The following CDH20 variants were observed in gnomAD, a reference collection of about 807,000 sequenced individuals.
The protein encoded by CDH20 is cadherin 20.
CDH20 carries 29 observed loss-of-function variants against 74.2 expected under a neutral mutation model. The ratio of observed to expected loss-of-function variants is 0.39; its 90% confidence interval spans 0.29 to 0.53. CDH20 has a LOEUF of 0.53. CDH20 is among the 20% of genes least tolerant of loss of function. The pLI is 0.69. For missense variants in CDH20, 988 were observed against 1,048.3 expected, an observed-to-expected ratio of 0.94 and a Z score of 0.79; for synonymous variants, 469 against 405.4, an observed-to-expected ratio of 1.16 and a Z score of -1.88.
rs948051528 is a variant in CDH20 at position 61,377,457 on chromosome 18, G to A, written c.-153+43630G>A. ...ATCTTGTTCAGGTTTCATCAGACAC[G>A]CGAAGCCTCATAAGTGGCCAGCCTC... On this transcript the variant is annotated intron_variant, in intron 1 of 11. Coordinates refer to ENST00000262717, the MANE Select transcript of CDH20 (RefSeq NM_031891.4). 5.3e-5 allele frequency among the ~76,000 whole-genome samples: 8 copies of A among 151,180 alleles called. No individual in the cohort carries two copies. In the South Asian group the frequency reaches 1.5e-3, roughly 28 times the overall value.
At chr18:61,515,606 A>T (rs546825449) in intron 6 of CDH20, among the ~76,000 whole-genome samples, 1 of 151,720 alleles carries the variant, frequency 6.6e-6, no homozygotes, top group Non-Finnish European at 1.5e-5. Context: ...GCCATAAAAA[A>T]TGATGAGTTC....
At chr18:61,418,478 C>T (rs866439065) in intron 1 of CDH20, among the ~76,000 whole-genome samples, 3 of 143,886 alleles carry the variant, frequency 2.1e-5, no homozygotes, top group Non-Finnish European at 4.5e-5. Context: ...GGCATGAACC[C>T]GGGAGGCGGA....
At chr18:61,515,753 G>A (rs1451429035) in intron 6 of CDH20, among the ~76,000 whole-genome samples, 2 of 135,526 alleles carry the variant, frequency 1.5e-5, no homozygotes, top group African/African-American at 5.6e-5. Context: ...ACAGGAAGGG[G>A]AATATCACAC....
intron 1 of CDH20, among the ~76,000 whole-genome samples, chr18:61,449,928 T>G (rs1311656239): frequency 2.0e-5 from 3 of 152,020 alleles, no homozygotes; most frequent in Non-Finnish European, 2.9e-5. Flanking sequence ...TCTCTAGAAA[T>G]AAAGAAAACT....
In CDH20 at chr18:61,344,894, T is replaced by C. The variant is rs542145966; in HGVS notation, c.-153+11067T>C. Among the ~76,000 whole-genome samples, 5 of 152,354 alleles carry C rather than the reference T, an allele frequency of 3.3e-5. No individual in the cohort carries two copies. The South Asian group carries it at 8.3e-4, about 25-fold the overall frequency. On this transcript the variant is annotated intron_variant, in intron 1 of 11. Coordinates refer to ENST00000262717, the MANE Select transcript of CDH20 (RefSeq NM_031891.4). ...TATCATTGGAGATCATGCTCTCTTC[T>C]GATTATGATTATCTCCTTTGGTTAT...
chr18:61,418,727 T>C (rs1208968465), intron 1 of CDH20, among the ~76,000 whole-genome samples: 3 of 152,160 alleles, frequency 2.0e-5, no homozygotes, highest in East Asian at 1.9e-4. Context: ...CTTCCACTTA[T>C]TGGTTCTTAT....
chr18:61,411,508 TG>T (rs1404248399), intron 1 of CDH20, among the ~76,000 whole-genome samples: 1 of 150,472 alleles, frequency 6.6e-6, no homozygotes, highest in Non-Finnish European at 1.5e-5. Flanking sequence ...CCAACCCAAA[TG>T]CCCATCAATC....
intron 1 of CDH20, among the ~76,000 whole-genome samples, chr18:61,348,350 C>T (rs1306348147): frequency 6.6e-6 from 1 of 152,156 alleles, no homozygotes; most frequent in East Asian, 1.9e-4. Context: ...TACTCTGCCC[C>T]ACCCCAAGAC....
intron 1 of CDH20, among the ~76,000 whole-genome samples, chr18:61,430,252 T>C (rs1257737083): frequency 6.6e-6 from 1 of 152,212 alleles, no homozygotes; most frequent in East Asian, 1.9e-4. Flanking sequence ...TATATCCCTC[T>C]GCTTTTTTTG....
At chr18:61,490,082 C>G (rs1433698528) in intron 1 of CDH20, among the ~76,000 whole-genome samples, 1 of 152,076 alleles carries the variant, frequency 6.6e-6, no homozygotes, top group Non-Finnish European at 1.5e-5. Flanking sequence ...ATAAATATTT[C>G]AAAGAGCACA....
Position 61,554,438 on chromosome 18 carries a change from G to A in CDH20, c.2149G>A (p.Ala717Thr), listed in dbSNP as rs1166858914. ...CTCCCGCTACGTGCCTCAGACGTGCGCAGTGAACAGCACTGTCCACAGCTA... is the reference window on the plus strand; with the variant it reads ...CTCCCGCTACGTGCCTCAGACGTGCACAGTGAACAGCACTGTCCACAGCTA... ...SLSRYVPQTC[A>T]VNSTVHSYVL... The change falls in exon 12 of 12, where the codon GCA (alanine) becomes ACA (threonine). Residue 717 changes from alanine to threonine, a missense_variant. Ala to Thr is a moderately conservative substitution (Grantham distance 58). Transcript: ENST00000262717. The A allele has an allele frequency of 8.1e-6, 13 of 1,613,148 alleles. No homozygotes were observed. In the South Asian group the frequency reaches 1.1e-4, roughly 14 times the overall value.
intron 1 of CDH20, among the ~76,000 whole-genome samples, chr18:61,352,039 C>T (rs142833467): frequency 2.0e-5 from 3 of 152,306 alleles, no homozygotes; most frequent in African/African-American, 7.2e-5. Flanking sequence ...TGACCTTCAT[C>T]ACTGCCCACT....
At chr18:61,423,186 G>A (rs1204112462) in intron 1 of CDH20, among the ~76,000 whole-genome samples, 1 of 152,200 alleles carries the variant, frequency 6.6e-6, no homozygotes, top group African/African-American at 2.4e-5. Context: ...GTGGTCAGTA[G>A]CGTCAGATCA....
intron 1 of CDH20, among the ~76,000 whole-genome samples, chr18:61,385,415 A>C (rs2439786): frequency 0.76 from 115,080 of 151,942 alleles, 44,018 homozygotes; most frequent in East Asian, 0.98. Context: ...GATACATTTT[A>C]TAAGCATAAA....
chr18:61,536,498 C>G lies in CDH20; in HGVS notation c.1277C>G (p.Ser426Cys), dbSNP rs775101765. 1.9e-6 allele frequency: 3 copies of G among 1,613,582 alleles called. No homozygotes were observed. The highest frequency in any genetic ancestry group is 2.5e-6 in the Non-Finnish European group (3 of 1,179,588). The change falls in exon 8 of 12, where the codon TCC becomes TGC. Residue 426 changes from serine to cysteine, a missense_variant. Around this residue, in one of 2 missense-constraint regions of CDH20, gnomAD observed 613 missense variants for 755.2 expected, o/e 0.81. Transcript: ENST00000262717. ...PDVTNNSIRY[S>C]IDRSSDPGRF... ...CGTAATCCATGTTTCTGCAGATACT[C>G]CATTGATAGAAGCAGTGACCCTGGA...
chr18:61,486,635 C>CTCTTT (rs5825443), intron 1 of CDH20, among the ~76,000 whole-genome samples: 144,692 of 152,004 alleles, frequency 0.95, 69,260 homozygotes, highest in Non-Finnish European at 1. Context: ...CATAAAGTCT[C>CTCTTT]TCTTTTAAGT....
chr18:61,386,314 TCA>T (rs1395339092), intron 1 of CDH20, among the ~76,000 whole-genome samples: 1 of 152,182 alleles, frequency 6.6e-6, no homozygotes, highest in Non-Finnish European at 1.5e-5. Context: ...TTATAAGGTC[TCA>T]CAGGGATTAG....
At chr18:61,354,465 C>T (rs548825841) in intron 1 of CDH20, among the ~76,000 whole-genome samples, 4 of 152,040 alleles carry the variant, frequency 2.6e-5, no homozygotes, top group Non-Finnish European at 4.4e-5. Context: ...AAAAATTAGC[C>T]GGGCGTGGTA....
intron 1 of CDH20, among the ~76,000 whole-genome samples, chr18:61,430,930 A>G (rs955319750): frequency 9.2e-5 from 14 of 152,254 alleles, no homozygotes; most frequent in Admixed American, 8.5e-4. Context: ...ATTGGAAACC[A>G]AGATCTGGGC....
Sources: gnomAD v4.1 joint callset for allele counts (sites outside exome capture counted in the v4.1 genomes callset) on GRCh38, gnomAD v4.1.1 for gene constraint, gnomAD v4.1.1 regional missense constraint, MANE v1.5 for transcripts, NCBI Gene and HGNC (gene_info 2026-07-23, HGNC 2026-07-21) for gene names.